CPB2: variants seen among roughly 807,000 people sequenced by gnomAD.
CPB2 encodes the protein carboxypeptidase B2, also known as carboxypeptidase B-like protein.
In CPB2, 54 loss-of-function variants were observed where a neutral mutation model predicts 57.0. That is an observed-to-expected ratio of 0.95 (90% CI 0.76 to 1.19). The LOEUF (loss-of-function observed/expected upper bound fraction) is 1.19, where lower values mean the gene tolerates loss of function less well. Ranked by LOEUF, CPB2 falls within the 50% of genes most tolerant of loss-of-function variation. The pLI is 0.00. For missense variants in CPB2, 426 were observed against 512.0 expected (o/e 0.83, Z 1.62); for synonymous variants, 189 against 178.1 (o/e 1.06, Z -0.49).
chr13:46,070,853 A>C (rs1409009644), intron 6 of CPB2, among the ~76,000 whole-genome samples: 1 of 152,232 alleles, frequency 6.6e-6, no homozygotes, highest in Non-Finnish European at 1.5e-5. Flanking sequence ...CTGCAACCCA[A>C]AATTGTATGT....
chr13:46,077,556 C>T (rs1351147867), intron 5 of CPB2, among the ~76,000 whole-genome samples: 1 of 152,082 alleles, frequency 6.6e-6, no homozygotes, highest in East Asian at 1.9e-4. Context: ...CCATATAAGC[C>T]AGCAGTCCTA....
Position 46,073,921 on chromosome 13 carries a change from A to G in CPB2, c.543T>C (p.His181=), listed in dbSNP as rs1265889613. The G allele has an allele frequency of 5.7e-6, 9 of 1,592,034 alleles. No homozygotes were observed. The highest frequency in any genetic ancestry group is 8.6e-7 in the Non-Finnish European group (1 of 1,162,834). ...KNAIWIDCGI[H]AREWISPAFC... is the part of the protein sequence containing the mutation. ...AAGCAGGAGAGATCCATTCTCTGGC[A>G]TGGATTCCACAGTCAATCCATATGG... Residue 181 remains histidine (H), a synonymous_variant, in exon 6 of 11, where the codon CAT becomes CAC. Transcript: ENST00000181383.
chr13:46,084,308 A>G lies in CPB2; in HGVS notation c.186T>C (p.Ile62=). 6.2e-7 allele frequency: 1 copy of G among 1,614,162 alleles called. No homozygotes were observed. Among genetic ancestry groups the G allele is most frequent in the Non-Finnish European group, 8.5e-7 (1 of 1,180,014 alleles). The part of the protein sequence containing the change: ...VLWQPVTADL[I]VKKKQVHFFV... Reference sequence around the variant, plus strand: ...AAAAATGGACTTGTTTTTTCTTCACAATAAGGTCAGCTGTTACCGGCTGCC... The same window carrying G: ...AAAAATGGACTTGTTTTTTCTTCACGATAAGGTCAGCTGTTACCGGCTGCC... Residue 62 remains isoleucine, a synonymous_variant, in exon 3 of 11, where the codon ATT becomes ATC. Transcript: ENST00000181383.
chr13:46,058,070 C>T, intron 9 of CPB2, 109 bp downstream of exon 9: 1 of 816,684 alleles, frequency 1.2e-6, no homozygotes, highest in Non-Finnish European at 2.0e-6. Flanking sequence ...TTTAAAACAT[C>T]TATCATTTGC....
intron 8 of CPB2, 66 bp from the exon 9 acceptor site, chr13:46,058,447 C>T (rs2044727621): frequency 2.1e-6 from 3 of 1,406,132 alleles, no homozygotes; most frequent in Admixed American, 1.7e-5. Context: ...TGTGGTTTCC[C>T]AGACAACGTA....
intron 5 of CPB2, among the ~76,000 whole-genome samples, chr13:46,077,350 A>G (rs1473117586): frequency 6.6e-6 from 1 of 152,216 alleles, no homozygotes; most frequent in Non-Finnish European, 1.5e-5. Flanking sequence ...TCATCAGGGA[A>G]ATGTGAATTA....
At chr13:46,060,640 A>G (rs2044759050) in intron 8 of CPB2, among the ~76,000 whole-genome samples, 1 of 152,154 alleles carries the variant, frequency 6.6e-6, no homozygotes, top group African/African-American at 2.4e-5. Context: ...CACTCAGTGT[A>G]TGTCTCAATT....
In CPB2 at chr13:46,084,210, G is replaced by C. The variant is rs373372763; in HGVS notation, c.275+9C>G. ...AATAACTACTCAATACGTATTGAAC[G>C]GTGCCTACCTGCATGGAATTCCGCT... is the stretch of plus-strand genomic sequence containing the variant. On this transcript the variant is annotated intron_variant, in intron 3 of 10. Transcript: ENST00000181383. 1.2e-6 allele frequency: 2 copies of C among 1,613,892 alleles called. No individual in the cohort carries two copies. The highest frequency in any genetic ancestry group is 1.7e-6 in the Non-Finnish European group (2 of 1,179,886).
intron 6 of CPB2, among the ~76,000 whole-genome samples, chr13:46,072,683 G>T (rs1464179797): frequency 6.6e-6 from 1 of 152,078 alleles, no homozygotes; most frequent in Non-Finnish European, 1.5e-5. Flanking sequence ...GGGTGAGAAG[G>T]GCAGTCATTA....
chr13:46,090,662 C>T (rs923828684), intron 1 of CPB2, among the ~76,000 whole-genome samples: 12 of 149,444 alleles, frequency 8.0e-5, no homozygotes, highest in South Asian at 2.1e-4. Context: ...GCACACAGCC[C>T]ATTTATCTAT....
chr13:46,078,705 A>G (rs2045060515), intron 5 of CPB2, 95 bp downstream of exon 5: 1 of 823,868 alleles, frequency 1.2e-6, no homozygotes, highest in Non-Finnish European at 2.0e-6. Flanking sequence ...TATTTTCAGA[A>G]CTCAAAGGAA....
chr13:46,053,367 AC>A lies in CPB2; in HGVS notation c.*246del. On this transcript the variant is annotated 3_prime_UTR_variant, in exon 11 of 11. Coordinates refer to ENST00000181383, the MANE Select transcript of CPB2 (RefSeq NM_001872.5). Reference sequence around the variant, plus strand: ...AAACTTGCTTGAGATGGCTAGTCAAACGTCGAAAATCAAAGAAAAAGTAGGT... The same window carrying A: ...AAACTTGCTTGAGATGGCTAGTCAAAGTCGAAAATCAAAGAAAAAGTAGGT... 2.6e-6 allele frequency: 1 copy of A among 388,606 alleles called. No homozygotes were observed. The highest frequency in any genetic ancestry group is 4.3e-6 in the Non-Finnish European group (1 of 230,146). 24.1% of individuals were successfully genotyped at this position (388,606 alleles called of 1,614,324 possible).
chr13:46,074,040 C>T, intron 5 of CPB2, 63 bp from the exon 6 acceptor site: 1 of 899,010 alleles, frequency 1.1e-6, no homozygotes, highest in Non-Finnish European at 1.8e-6. Flanking sequence ...TAATAACTTT[C>T]ATTTATATAG....
rs2044720641 is a variant in CPB2, at chr13:46,058,060, T to G, written c.999+119A>C. On this transcript the variant is annotated intron_variant, in intron 9 of 10. Transcript: ENST00000181383. ...GACTCTCAACAGGATCACACCATGA[T>G]TTAAAACATCTATCATTTGCCTTCT... 4 of 773,586 alleles carry G rather than the reference T, an allele frequency of 5.2e-6. No homozygotes were observed. The African/African-American group carries it at 5.2e-5, about 10-fold the overall frequency. The allele number at this position is 773,586 out of a possible 1,614,324, so 47.9% of individuals were successfully genotyped here.
Sources: gnomAD v4.1 joint callset for allele counts (sites outside exome capture counted in the v4.1 genomes callset) on GRCh38, gnomAD v4.1.1 for gene constraint, MANE v1.5 for transcripts, NCBI Gene and HGNC (gene_info 2026-07-23, HGNC 2026-07-21) for gene names.